The following ACYP2 variants were observed in gnomAD, a reference collection of about 807,000 sequenced individuals.
ACYP2 encodes acylphosphatase-2.
Under a neutral mutation model 11.2 loss-of-function variants are expected in ACYP2, and 12 were observed. The observed-to-expected ratio is 1.08, with a 90% CI of 0.69 to 1.74. The LOEUF (loss-of-function observed/expected upper bound fraction) is 1.74. Ranked by LOEUF, ACYP2 falls within the 40% of genes most tolerant of loss-of-function variation. ACYP2 has a pLI of 0.00. For synonymous variants in ACYP2, 43 were observed against 32.2 expected (o/e 1.33, Z -1.13); for missense variants, 134 against 101.9 (o/e 1.31, Z -1.35).
rs144619699 is a variant in ACYP2 at position 54,037,471 on chromosome 2, C to G, written c.63-13487C>G. 2.5e-3 allele frequency among the ~76,000 whole-genome samples: 375 copies of G among 152,228 alleles called. 1 individual carries two copies. Among genetic ancestry groups the G allele is most frequent in the African/African-American group, 8.6e-3 (358 of 41,530 alleles). On this transcript the variant is annotated intron_variant, in intron 2 of 6. Transcript: ENST00000607452. The stretch of plus-strand genomic sequence containing the variant: ...TGTCACCCAGGCTGAGGTGCAGTGG[C>G]ACAATCACGGCCCACTGCAGCCTCA...
chr2:54,124,850 G>A (rs1680382887), intron 4 of ACYP2, among the ~76,000 whole-genome samples: 1 of 152,124 alleles, frequency 6.6e-6, no homozygotes, highest in Admixed American at 6.5e-5. Context: ...CTAGAGGCAA[G>A]TGCTATCATG....
At chr2:54,303,915 G>GT (rs1478279788) in intron 6 of ACYP2, among the ~76,000 whole-genome samples, 1 of 152,172 alleles carries the variant, frequency 6.6e-6, no homozygotes, top group Non-Finnish European at 1.5e-5. Flanking sequence ...AATCCTCAGT[G>GT]TTATCTGAGA....
intron 2 of ACYP2, among the ~76,000 whole-genome samples, chr2:54,043,265 A>G (rs1023434312): frequency 6.6e-6 from 1 of 152,320 alleles, no homozygotes; most frequent in South Asian, 2.1e-4. Context: ...CCAAGGGACA[A>G]TCAAAAGGAA....
intron 2 of ACYP2, among the ~76,000 whole-genome samples, chr2:54,009,932 A>G (rs1266010322): frequency 1.3e-5 from 2 of 152,182 alleles, no homozygotes; most frequent in Non-Finnish European, 2.9e-5. Flanking sequence ...TCAGCTAGTG[A>G]AGGGCAGTGT....
intron 6 of ACYP2, chr2:54,256,319 G>A (rs995280049): frequency 1.0e-5 from 7 of 681,898 alleles, no homozygotes; most frequent in Non-Finnish European, 1.5e-5. Flanking sequence ...TCAGTCTCGC[G>A]AGTCTGTGGT....
At chr2:54,274,942 C>A (rs186324237) in intron 6 of ACYP2, among the ~76,000 whole-genome samples, 2 of 152,280 alleles carry the variant, frequency 1.3e-5, no homozygotes, top group East Asian at 3.9e-4. Flanking sequence ...TTAACTAAAC[C>A]AAAATATGCA....
intron 4 of ACYP2, among the ~76,000 whole-genome samples, chr2:54,081,503 C>G (rs1461281262): frequency 6.6e-6 from 1 of 152,132 alleles, no homozygotes; most frequent in Non-Finnish European, 1.5e-5. Flanking sequence ...CCGTCACATA[C>G]TGTAAAGGTT....
intron 2 of ACYP2, among the ~76,000 whole-genome samples, chr2:54,009,923 C>G (rs1248631524): frequency 6.6e-6 from 1 of 152,126 alleles, no homozygotes; most frequent in African/African-American, 2.4e-5. Flanking sequence ...CCTGGCCACT[C>G]AGCTAGTGAA....
chr2:54,294,420 G>A (rs573748065), intron 6 of ACYP2, among the ~76,000 whole-genome samples: 16 of 151,966 alleles, frequency 1.1e-4, no homozygotes, highest in Admixed American at 7.9e-4. Context: ...CTCAGAACCC[G>A]CGGGATTCCT....
rs78108796 is a variant in ACYP2, at chr2:54,176,892, C to G, written c.404+38144C>G. ...GCTCTAGAGCTCGATGTAGAAGTGG[C>G]CAAGGTCTCTGTTGCAACTGCATTA... On this transcript the variant is annotated intron_variant, in intron 6 of 6. Coordinates refer to ENST00000607452, the MANE Select transcript of ACYP2 (RefSeq NM_001320586.2). 4.2e-3 allele frequency among the ~76,000 whole-genome samples: 638 copies of G among 152,238 alleles called. 1 individual carries two copies. Among genetic ancestry groups the G allele is most frequent in the Non-Finnish European group, 6.8e-3 (463 of 68,016 alleles).
At position 54,208,803 on chromosome 2, in the gene ACYP2, A is replaced by T. The variant is rs141764084; in HGVS notation, c.404+70055A>T. On this transcript the variant is annotated intron_variant, in intron 6 of 6. Transcript: ENST00000607452. ...AGTATTACATAATATTCTATGTCATAAATCAAATTTTATGGGAGTAGGCAT... is the reference window on the plus strand; with the variant it reads ...AGTATTACATAATATTCTATGTCATTAATCAAATTTTATGGGAGTAGGCAT... Among the ~76,000 whole-genome samples the T allele has an allele frequency of 1.8e-3, 268 of 152,294 alleles. 1 individual carries two copies. The highest frequency in any genetic ancestry group is 2.9e-3 in the Non-Finnish European group (195 of 68,020).
At chr2:54,277,274 T>C (rs1347067439) in intron 6 of ACYP2, among the ~76,000 whole-genome samples, 1 of 152,194 alleles carries the variant, frequency 6.6e-6, no homozygotes, top group Non-Finnish European at 1.5e-5. Context: ...TCTCCCTCCT[T>C]CCTTTTCCCT....
intron 2 of ACYP2, among the ~76,000 whole-genome samples, chr2:54,033,945 G>T (rs1023698793): frequency 2.0e-5 from 3 of 152,214 alleles, no homozygotes; most frequent in African/African-American, 7.2e-5. Flanking sequence ...CATCCTGAAA[G>T]ATAATGGGGA....
At chr2:54,043,260 G>C (rs1279012844) in intron 2 of ACYP2, among the ~76,000 whole-genome samples, 1 of 152,108 alleles carries the variant, frequency 6.6e-6, no homozygotes, top group African/African-American at 2.4e-5. Context: ...CTTAACCAAG[G>C]GACAATCAAA....
intron 6 of ACYP2, among the ~76,000 whole-genome samples, chr2:54,144,251 G>A (rs967381728): frequency 6.6e-6 from 1 of 152,088 alleles, no homozygotes; most frequent in Non-Finnish European, 1.5e-5. Flanking sequence ...AGGATTACAG[G>A]TGTGAGCCAC....
At chr2:54,303,187 TA>T (rs1689793489) in intron 6 of ACYP2, among the ~76,000 whole-genome samples, 1 of 152,076 alleles carries the variant, frequency 6.6e-6, no homozygotes, top group South Asian at 2.1e-4. Flanking sequence ...TTGTCTCTAC[TA>T]AAATTCAAAA....
chr2:54,137,483 T>A (rs1379463775), intron 5 of ACYP2, among the ~76,000 whole-genome samples: 1 of 152,152 alleles, frequency 6.6e-6, no homozygotes, highest in East Asian at 1.9e-4. Flanking sequence ...CCTCTCTGTG[T>A]CCATGTATTC....
intron 4 of ACYP2, chr2:54,115,685 G>C: frequency 6.2e-7 from 1 of 1,609,920 alleles, no homozygotes; most frequent in Middle Eastern, 1.7e-4. Context: ...CTCAACAGAG[G>C]GCTCGCCGCC....
chr2:53,981,518 G>T (rs1417185101), intron 2 of ACYP2, among the ~76,000 whole-genome samples: 1 of 152,132 alleles, frequency 6.6e-6, no homozygotes, highest in Non-Finnish European at 1.5e-5. Flanking sequence ...CTAAGCAAAA[G>T]AAGACTTGGC....
Sources: gnomAD v4.1 joint callset for allele counts (sites outside exome capture counted in the v4.1 genomes callset) on GRCh38, gnomAD v4.1.1 for gene constraint, MANE v1.5 for transcripts, NCBI Gene and HGNC (gene_info 2026-07-23, HGNC 2026-07-21) for gene names.